Variants in CRACD observed in about 807,000 individuals in gnomAD.
The protein encoded by CRACD is capping protein inhibiting regulator of actin dynamics, also known as capping protein-inhibiting regulator of actin dynamics.
CRACD carries 56 observed loss-of-function variants against 106.8 expected under a neutral mutation model. The observed-to-expected ratio is 0.52, with a 90% CI of 0.42 to 0.66. The LOEUF (loss-of-function observed/expected upper bound fraction) is 0.66. CRACD is among the 30% of genes least tolerant of loss of function. The pLI, the probability that CRACD is intolerant of heterozygous loss-of-function variation, is 0.00. For synonymous variants in CRACD, 754 were observed against 670.8 expected, an observed-to-expected ratio of 1.12 and a Z score of -1.92; for missense variants, 1,730 against 1,623.2, an observed-to-expected ratio of 1.07 and a Z score of -1.13.
At chr4:56,217,352 G>A (rs953849356) in intron 2 of CRACD, among the ~76,000 whole-genome samples, 2 of 137,102 alleles carry the variant, frequency 1.5e-5, no homozygotes, top group Admixed American at 7.6e-5. Context: ...CTTCAGCTTG[G>A]TTTTATACAT....
chr4:56,198,334 G>A (rs1022063505), intron 2 of CRACD, among the ~76,000 whole-genome samples: 6 of 152,150 alleles, frequency 3.9e-5, no homozygotes, highest in African/African-American at 1.4e-4. Flanking sequence ...GGGAATTTGT[G>A]GTATCATAGG....
chr4:56,243,125 A>G (rs1740465553), intron 2 of CRACD, among the ~76,000 whole-genome samples: 1 of 152,184 alleles, frequency 6.6e-6, no homozygotes, highest in Non-Finnish European at 1.5e-5. Context: ...CCTCTTCCAG[A>G]TTCCCCTACA....
chr4:56,249,347 G>A (rs1288121720), intron 2 of CRACD, among the ~76,000 whole-genome samples: 1 of 147,048 alleles, frequency 6.8e-6, no homozygotes, highest in Non-Finnish European at 1.5e-5. Flanking sequence ...ATTTTTTCAT[G>A]TGTTTTTTGG....
At chr4:56,161,805 G>A (rs1340112761) in intron 1 of CRACD, among the ~76,000 whole-genome samples, 2 of 140,810 alleles carry the variant, frequency 1.4e-5, no homozygotes, top group East Asian at 2.1e-4. Flanking sequence ...GCTCTGTTGC[G>A]CAGGCTGGAG....
At chr4:56,285,856 G>A (rs1012685596) in intron 3 of CRACD, among the ~76,000 whole-genome samples, 1 of 152,196 alleles carries the variant, frequency 6.6e-6, no homozygotes, top group African/African-American at 2.4e-5. Context: ...TGGAGGTTTA[G>A]AGACTTGCTG....
intron 1 of CRACD, among the ~76,000 whole-genome samples, chr4:56,055,846 G>A (rs1469455258): frequency 6.6e-6 from 1 of 152,158 alleles, no homozygotes; most frequent in Non-Finnish European, 1.5e-5. Flanking sequence ...CAGCCATCTG[G>A]TGAAGGCAGA....
chr4:56,160,966 G>A (rs757536377), intron 1 of CRACD, among the ~76,000 whole-genome samples: 5 of 152,146 alleles, frequency 3.3e-5, no homozygotes, highest in Non-Finnish European at 5.9e-5. Context: ...TGCAGAAGAA[G>A]ATAAAGCATT....
chr4:56,084,237 G>A (rs978821030), intron 1 of CRACD, among the ~76,000 whole-genome samples: 7 of 152,110 alleles, frequency 4.6e-5, no homozygotes, highest in Admixed American at 2.6e-4. Flanking sequence ...GAAAAGTCAC[G>A]AACTACGTTT....
chr4:56,201,041 G>A (rs549291863), intron 2 of CRACD, among the ~76,000 whole-genome samples: 1 of 152,226 alleles, frequency 6.6e-6, no homozygotes, highest in Non-Finnish European at 1.5e-5. Context: ...CCAAACTCTT[G>A]TTCTTTTTTG....
chr4:56,315,526 T>C lies in CRACD; in HGVS notation c.2024T>C (p.Ile675Thr). ...LAEWASIRSR[I>T]LKNAESDPRS... is the part of the protein sequence containing the mutation. ...GAATGGGCTTCCATTCGGTCCAGAA[T>C]CCTGAAGAACGCAGAGAGTGACCCG... The change falls in exon 8 of 11, where the codon ATC (isoleucine) becomes ACC (threonine). Residue 675 changes from isoleucine (I) to threonine (T), a missense_variant. Physicochemically the swap from Ile to Thr is moderately conservative, Grantham distance 89. This residue lies in a region of CRACD where 1,620 missense variants were observed against 1,481.6 expected (regional missense o/e 1.09). Transcript: ENST00000682029. The surrounding 1 kb of genome is among the most constrained non-coding windows in gnomAD (Gnocchi z 4.1). 6.2e-7 allele frequency: 1 copy of C among 1,613,858 alleles called. No individual in the cohort carries two copies. The highest frequency in any genetic ancestry group is 8.5e-7 in the Non-Finnish European group (1 of 1,179,972).
At chr4:56,063,684 A>G (rs1218577335) in intron 1 of CRACD, among the ~76,000 whole-genome samples, 3 of 152,064 alleles carry the variant, frequency 2.0e-5, no homozygotes, top group Non-Finnish European at 4.4e-5. Context: ...CATGCTTTTA[A>G]GGTTCATCCA....
chr4:56,298,627 C>G (rs139723973), intron 4 of CRACD, among the ~76,000 whole-genome samples: 1 of 152,120 alleles, frequency 6.6e-6, no homozygotes, highest in Non-Finnish European at 1.5e-5. Context: ...AAAACAAGTA[C>G]CCAAGAGAAG....
chr4:56,304,956 A>C (rs1007072923), intron 4 of CRACD, among the ~76,000 whole-genome samples: 1 of 152,042 alleles, frequency 6.6e-6, no homozygotes, highest in East Asian at 1.9e-4. Flanking sequence ...GCAGTGGTTC[A>C]TACCTGTAAT....
intron 1 of CRACD, among the ~76,000 whole-genome samples, chr4:56,152,816 C>T (rs1735629534): frequency 6.6e-6 from 1 of 152,200 alleles, no homozygotes; most frequent in African/African-American, 2.4e-5. Context: ...CTGGCACTGA[C>T]ATCCTGTGCT....
chr4:56,326,925 A>T (rs1746486128), intron 10 of CRACD, among the ~76,000 whole-genome samples: 1 of 151,954 alleles, frequency 6.6e-6, no homozygotes, highest in South Asian at 2.1e-4. Context: ...TTTTTAGTAG[A>T]GACAGGGTTT....
At chr4:56,111,645 G>C (rs984964558) in intron 1 of CRACD, among the ~76,000 whole-genome samples, 1 of 152,124 alleles carries the variant, frequency 6.6e-6, no homozygotes, top group African/African-American at 2.4e-5. Context: ...GGGTTCAAGT[G>C]ATTCTCCTGT....
intron 1 of CRACD, among the ~76,000 whole-genome samples, chr4:56,112,956 G>A (rs1734168043): frequency 6.7e-6 from 1 of 149,310 alleles, no homozygotes; most frequent in Non-Finnish European, 1.5e-5. Flanking sequence ...AAATATAATC[G>A]CTGTAACTAA....
intron 2 of CRACD, among the ~76,000 whole-genome samples, chr4:56,250,297 T>A (rs1490414570): frequency 6.6e-6 from 1 of 152,230 alleles, no homozygotes; most frequent in East Asian, 1.9e-4. Flanking sequence ...GTTCCATCAC[T>A]GGTATCTAAT....
At chr4:56,180,489 A>AAAATAAATAAAT (rs199914728) in intron 2 of CRACD, among the ~76,000 whole-genome samples, 4 of 146,246 alleles carry the variant, frequency 2.7e-5, no homozygotes, top group East Asian at 2.0e-4. Context: ...ACTCCATCTC[A>AAAATAAATAAAT]AAATAAATAA....
Sources: allele counts gnomAD v4.1 joint callset (sites outside exome capture counted in the v4.1 genomes callset), GRCh38; gene constraint gnomAD v4.1.1; regional missense constraint gnomAD v4.1.1; non-coding constraint Gnocchi (gnomAD v3.1); transcripts MANE v1.5; gene names NCBI Gene and HGNC (gene_info 2026-07-23, HGNC 2026-07-21).